Variants in SCARF2 observed in about 807,000 individuals in gnomAD.
The protein encoded by SCARF2 is scavenger receptor expressed by endothelial cells 2 protein.
In SCARF2, 39 loss-of-function variants were observed where a neutral mutation model predicts 73.4. The ratio of observed to expected loss-of-function variants is 0.53; its 90% CI spans 0.41 to 0.69. The LOEUF is 0.69. Ranked by LOEUF, SCARF2 falls within the 30% of genes least tolerant of loss-of-function variation. SCARF2 has a pLI of 0.00. For synonymous variants in SCARF2, 605 were observed against 590.0 expected (o/e 1.03, Z -0.37); for missense variants, 1,148 against 1,303.5 (o/e 0.88, Z 1.84).
chr22:20,437,292 T>C (rs1256492076), intron 1 of SCARF2, among the ~76,000 whole-genome samples: 1 of 152,152 alleles, frequency 6.6e-6, no homozygotes, highest in East Asian at 1.9e-4. Context: ...CGGTCAAGGG[T>C]CCCTTTTTCC....
At chr22:20,436,390 C>CCCG (rs2052698947) in intron 1 of SCARF2, among the ~76,000 whole-genome samples, 1 of 152,106 alleles carries the variant, frequency 6.6e-6, no homozygotes, top group African/African-American at 2.4e-5. Flanking sequence ...CACCGCCCCG[C>CCCG]CCGCCGCCGC....
rs1284332464 is a variant in SCARF2, at chr22:20,431,195, C to T, written c.677G>A (p.Ser226Asn). Reference sequence around the variant, plus strand: ...ACGCTCGCGGCACTGACAGCGGCCGCTCTGCTGCTCGCAGGGAGACGAGTT... The same window carrying T: ...ACGCTCGCGGCACTGACAGCGGCCGTTCTGCTGCTCGCAGGGAGACGAGTT... The part of the protein sequence containing the change: ...ACNSSPCEQQ[S>N]GRCQCRERTF... The change falls in exon 4 of 11, where the codon AGC (serine) becomes AAC (asparagine). Residue 226 changes from serine to asparagine, a missense_variant. By Grantham distance (46) the Ser-to-Asn change is conservative. This residue lies in a region of SCARF2 where 372 missense variants were observed against 532.0 expected (regional missense o/e 0.70). Coordinates refer to ENST00000622235, the MANE Select transcript of SCARF2 (RefSeq NM_182895.5). The T allele has an allele frequency of 6.4e-7, 1 of 1,561,672 alleles. No individual in the cohort carries two copies. Among genetic ancestry groups the T allele is most frequent in the East Asian group, 2.3e-5 (1 of 42,778 alleles).
intron 9 of SCARF2, 98 bp from the exon 10 acceptor site, chr22:20,427,648 A>AC: frequency 7.0e-7 from 1 of 1,435,878 alleles, no homozygotes; most frequent in African/African-American, 1.4e-5. Context: ...GGTGACCAAG[A>AC]CCAGCCCTAT....
chr22:20,427,742 A>G (rs974035704), intron 9 of SCARF2, among the ~76,000 whole-genome samples, 192 bp from the exon 10 acceptor site: 3 of 152,320 alleles, frequency 2.0e-5, no homozygotes, highest in Middle Eastern at 6.8e-3. Flanking sequence ...GTGAACCCAG[A>G]AAAGAAACAT....
intron 9 of SCARF2, among the ~76,000 whole-genome samples, chr22:20,428,241 TTC>T (rs2052601936): frequency 8.4e-6 from 1 of 119,006 alleles, no homozygotes; most frequent in Admixed American, 1.1e-4. Context: ...CCTCCCTTCC[TTC>T]TCTTTCTTCT....
At chr22:20,427,619 C>A in intron 9 of SCARF2, 69 bp from the exon 10 acceptor site, 1 of 1,579,344 alleles carries the variant, frequency 6.3e-7, no homozygotes, top group Non-Finnish European at 8.6e-7. Context: ...TTAGCCCCTG[C>A]TGTGACAAAT....
intron 1 of SCARF2, among the ~76,000 whole-genome samples, chr22:20,437,322 G>A (rs2052711408): frequency 6.6e-6 from 1 of 152,170 alleles, no homozygotes; most frequent in Admixed American, 6.5e-5. Context: ...CTGATATCCC[G>A]GACAACGCGT....
intron 10 of SCARF2, among the ~76,000 whole-genome samples, chr22:20,426,670 C>A (rs1484665575): frequency 1.3e-5 from 2 of 152,166 alleles, no homozygotes; most frequent in Non-Finnish European, 2.9e-5. Flanking sequence ...CGTGGTGGCT[C>A]ACGCCTGTAA....
rs1203656529 is a variant in SCARF2, at chr22:20,426,186, TCGG to T, written c.1787_1789del (p.Ala596del). The T allele has an allele frequency of 6.6e-7, 1 of 1,511,364 alleles. No individual in the cohort carries two copies. The highest frequency in any genetic ancestry group is 1.4e-5 in the African/African-American group (1 of 71,704). 93.6% of individuals were successfully genotyped at this position (1,511,364 alleles called of 1,614,324 possible). A position where few individuals can be genotyped will look rare whatever the true frequency, so the allele number is the denominator to read the frequency against. ...GGACGCGGGGAGGGGTATCGCCTCC[TCGG>T]CGGAGGCTGGCGTGGTCAAGGGCAC... On this transcript the variant is annotated inframe_deletion, in exon 11 of 11. Coordinates refer to ENST00000622235, the MANE Select transcript of SCARF2 (RefSeq NM_182895.5).
At position 20,425,843 on chromosome 22, in the gene SCARF2, G is replaced by A. The variant is rs561279636; in HGVS notation, c.2133C>T (p.His711=). Residue 711 remains histidine (H), a synonymous_variant, in exon 11 of 11, where the codon CAC becomes CAT. Transcript: ENST00000622235. This position sits in a 1 kb window ranked among gnomAD's most constrained non-coding sequence, Gnocchi z 4.6. ...PSDKSAHTVE[H]GSPRTRDPTP... is the part of the protein sequence containing the mutation. The stretch of plus-strand genomic sequence containing the variant: ...TTGGGTCGCGGGTCCGGGGGCTGCC[G>A]TGTTCGACCGTATGCGCCGATTTGT... The A allele has an allele frequency of 1.1e-4, 177 of 1,588,018 alleles. 1 individual carries two copies. In the South Asian group the frequency reaches 1.9e-3, roughly 17 times the overall value.
rs1221207571 is a variant in SCARF2, at chr22:20,429,736, G to A, written c.1300C>T (p.His434Tyr). 8 of 1,613,880 alleles carry A rather than the reference G, an allele frequency of 5.0e-6. No individual in the cohort carries two copies. In the South Asian group the frequency reaches 6.6e-5, roughly 13 times the overall value. ...DTCDPVTGAC[H>Y]LETNQRKGVM... is the part of the protein sequence containing the mutation. ...ACGCCCCTCATCCACTTACCTAGGT[G>A]GCAGGCACCAGTGACCGGGTCGCAC... The change falls in exon 7 of 11, where the codon CAC becomes TAC. Residue 434 changes from histidine (H) to tyrosine (Y), a missense_variant. His to Tyr is a moderately conservative substitution (Grantham distance 83). Transcript: ENST00000622235. The surrounding 1 kb of genome is among the most constrained non-coding windows in gnomAD (Gnocchi z 5.2).
chr22:20,430,308 G>A, intron 6 of SCARF2, 121 bp downstream of exon 6: 2 of 1,222,250 alleles, frequency 1.6e-6, no homozygotes, highest in Non-Finnish European at 2.3e-6. Flanking sequence ...TCCCTAGCTG[G>A]GGTAAGGGAC....
intron 6 of SCARF2, 54 bp downstream of exon 6, chr22:20,430,375 C>T: frequency 6.4e-7 from 1 of 1,552,288 alleles, no homozygotes; most frequent in Non-Finnish European, 8.7e-7. Context: ...CGGCTGGACC[C>T]CCCTCTGTGG....
rs1341928980 is a variant in SCARF2, at chr22:20,431,226, C to A, written c.646G>T (p.Ala216Ser). The A allele has an allele frequency of 1.9e-6, 3 of 1,560,022 alleles. No homozygotes were observed. Among genetic ancestry groups the A allele is most frequent in the Non-Finnish European group, 1.7e-6 (2 of 1,161,422 alleles). ...TGCTCGCAGGGAGACGAGTTGCAGG[C>A]GCACTGGTTGTTGCAGCTGCGGCCC... Reference protein sequence around the residue: ...WWGRSCNNQCACNSSPCEQQS... With the variant: ...WWGRSCNNQCSCNSSPCEQQS... The change falls in exon 4 of 11, where the codon GCC becomes TCC. Residue 216 changes from alanine (A) to serine (S), a missense_variant. Ala to Ser is a moderately conservative substitution (Grantham distance 99, BLOSUM62 1). Around this residue, in one of 5 missense-constraint regions of SCARF2, gnomAD observed 372 missense variants for 532.0 expected, o/e 0.70. Coordinates refer to ENST00000622235, the MANE Select transcript of SCARF2 (RefSeq NM_182895.5).
At position 20,431,426 on chromosome 22, in the gene SCARF2, C is replaced by G; in HGVS notation, c.446G>C (p.Gly149Ala). The stretch of plus-strand genomic sequence containing the variant: ...CTGGCACGCATGCTCGCAGCGCGCG[C>G]CCCAGCGCCGCGCGTGACAAGTACA... ...GQCTCHARRW[G>A]ARCEHACQCQ... Residue 149 changes from glycine (G) to alanine (A), a missense_variant, in exon 4 of 11, where the codon GGC (glycine) becomes GCC (alanine). Coordinates refer to ENST00000622235, the MANE Select transcript of SCARF2 (RefSeq NM_182895.5). 1 of 1,544,164 alleles carries G rather than the reference C, an allele frequency of 6.5e-7. No homozygotes were observed. The highest frequency in any genetic ancestry group is 8.7e-7 in the Non-Finnish European group (1 of 1,152,238).
At chr22:20,437,211 G>C (rs976111131) in intron 1 of SCARF2, among the ~76,000 whole-genome samples, 1 of 152,180 alleles carries the variant, frequency 6.6e-6, no homozygotes, top group Non-Finnish European at 1.5e-5. Context: ...GGACTAGTGC[G>C]GGGCTTTAGC....
rs1224538186 is a variant in SCARF2, at chr22:20,425,926, G to A, written c.2050C>T (p.Pro684Ser). The A allele has an allele frequency of 1.3e-6, 2 of 1,597,280 alleles. No individual in the cohort carries two copies. Among genetic ancestry groups the A allele is most frequent in the Non-Finnish European group, 1.7e-6 (2 of 1,175,306 alleles). The change falls in exon 11 of 11, where the codon CCG becomes TCG. Residue 684 changes from proline (P) to serine (S), a missense_variant. Pro to Ser is a moderately conservative substitution (Grantham distance 74). Transcript: ENST00000622235. This position sits in a 1 kb window ranked among gnomAD's most constrained non-coding sequence, Gnocchi z 4.6. ...GGCGCGGCCTCGGAGCCTGGCGGCG[G>A]TGGTGAGGGCGCACGGCCAGCTGCA... is the stretch of plus-strand genomic sequence containing the variant. ...AAAAGRAPSPPPPGSEAAPSP... is the reference protein window; with the variant it reads ...AAAAGRAPSPSPPGSEAAPSP...
At position 20,429,293 on chromosome 22, in the gene SCARF2, C is replaced by T. The variant is rs1444785960; in HGVS notation, c.1472G>A (p.Arg491His). Reference sequence around the variant, plus strand: ...CAGCTTCATGCTGATGCGACTGAAGCGCCCGCATAGTCGGTGCGGCGCCTT... The same window carrying T: ...CAGCTTCATGCTGATGCGACTGAAGTGCCCGCATAGTCGGTGCGGCGCCTT... Reference protein sequence around the residue: ...RKKAPHRLCGRFSRISMKLPR... With the variant: ...RKKAPHRLCGHFSRISMKLPR... The change falls in exon 9 of 11, where the codon CGC becomes CAC. Residue 491 changes from arginine (R) to histidine (H), a missense_variant. Around this residue, in one of 5 missense-constraint regions of SCARF2, gnomAD observed 437 missense variants for 433.6 expected, o/e 1.01. Transcript: ENST00000622235. This position sits in a 1 kb window ranked among gnomAD's most constrained non-coding sequence, Gnocchi z 5.2. 1.2e-6 allele frequency: 2 copies of T among 1,613,312 alleles called. No individual in the cohort carries two copies. Among genetic ancestry groups the T allele is most frequent in the East Asian group, 2.2e-5 (1 of 44,876 alleles).
chr22:20,429,390 G>T lies in SCARF2; in HGVS notation c.1425-50C>A. ...GGGGCGGGGCCGGGGCGGGGCCCAG[G>T]GGCGATTAGATCTCGGCCGGAGCCA... On this transcript the variant is annotated intron_variant, in intron 8 of 10. Coordinates refer to ENST00000622235, the MANE Select transcript of SCARF2 (RefSeq NM_182895.5). The surrounding 1 kb of genome is among the most constrained non-coding windows in gnomAD (Gnocchi z 5.2). 6.4e-7 allele frequency: 1 copy of T among 1,561,510 alleles called. No individual in the cohort carries two copies.
Sources: allele counts gnomAD v4.1 joint callset (sites outside exome capture counted in the v4.1 genomes callset), GRCh38; gene constraint gnomAD v4.1.1; regional missense constraint gnomAD v4.1.1; non-coding constraint Gnocchi (gnomAD v3.1); transcripts MANE v1.5; gene names NCBI Gene and HGNC (gene_info 2026-07-23, HGNC 2026-07-21).